The following FKBP14 variants were observed in gnomAD, a reference collection of about 807,000 sequenced individuals.
The protein encoded by FKBP14 is FKBP prolyl isomerase 14.
In FKBP14, 20 loss-of-function variants were observed where a neutral mutation model predicts 21.6. That is an observed-to-expected ratio of 0.92 (90% CI 0.65 to 1.34). FKBP14 has a LOEUF of 1.34. Ranked by LOEUF, FKBP14 falls within the 40% of genes most tolerant of loss-of-function variation. The probability of loss-of-function intolerance (pLI) is 0.00; values close to 1 mark genes in which losing one functional copy is unlikely to be tolerated. For synonymous variants in FKBP14, 79 were observed against 86.7 expected (o/e 0.91, Z 0.49); for missense variants, 253 against 249.0 (o/e 1.02, Z -0.11).
chr7:30,020,999 C>T (rs1256278667), intron 2 of FKBP14, among the ~76,000 whole-genome samples: 1 of 152,170 alleles, frequency 6.6e-6, no homozygotes, highest in Admixed American at 6.5e-5. Context: ...GCTGTGAATC[C>T]TGACTCCTCA....
Position 30,011,014 on chromosome 7 carries a change from GTTTT to G in FKBP14, c.*3717_*3720del, listed in dbSNP as rs1200092061. On this transcript the variant is annotated 3_prime_UTR_variant, in exon 4 of 4. Coordinates refer to ENST00000222803, the MANE Select transcript of FKBP14 (RefSeq NM_017946.4). ...GAAAATTTACAGTAAGCTAAGGTTA[GTTTT>G]TTATTATTTCTATAAAAATTATAGA... is the stretch of plus-strand genomic sequence containing the variant. 6.6e-6 allele frequency: 1 copy of G among 151,752 alleles called. No homozygotes were observed. The highest frequency in any genetic ancestry group is 1.5e-5 in the Non-Finnish European group (1 of 67,966). The allele number at this position is 151,752 out of a possible 1,614,324, so 9.4% of individuals were successfully genotyped here.
At chr7:30,023,702 C>T (rs550257726) in intron 1 of FKBP14, among the ~76,000 whole-genome samples, 5 of 152,076 alleles carry the variant, frequency 3.3e-5, no homozygotes, top group Admixed American at 1.3e-4. Context: ...ACAATCATGG[C>T]GGAAGGCAAA....
At position 30,012,695 on chromosome 7, in the gene FKBP14, C is replaced by T. The variant is rs951969708; in HGVS notation, c.*2040G>A. On this transcript the variant is annotated 3_prime_UTR_variant, in exon 4 of 4. Coordinates refer to ENST00000222803, the MANE Select transcript of FKBP14 (RefSeq NM_017946.4). Reference sequence around the variant, plus strand: ...GAAGTAAAACACATCTGGAACCTCGCGTTGTTCAGGGTTTTTGAGGCAATT... The same window carrying T: ...GAAGTAAAACACATCTGGAACCTCGTGTTGTTCAGGGTTTTTGAGGCAATT... 2.0e-5 allele frequency: 3 copies of T among 152,154 alleles called. No individual in the cohort carries two copies. Among genetic ancestry groups the T allele is most frequent in the Admixed American group, 6.5e-5 (1 of 15,284 alleles). 9.4% of individuals were successfully genotyped at this position (152,154 alleles called of 1,614,324 possible).
downstream of FKBP14, among the ~76,000 whole-genome samples, chr7:30,008,673 A>AGCGAAAC (rs1789656353): frequency 7.7e-6 from 1 of 130,694 alleles, no homozygotes; most frequent in Non-Finnish European, 1.6e-5. Flanking sequence ...GTGAGCTGAG[A>AGCGAAAC]TTTAAAAAAA....
chr7:30,016,959 A>G (rs371978927), intron 3 of FKBP14, among the ~76,000 whole-genome samples: 16 of 152,278 alleles, frequency 1.1e-4, no homozygotes, highest in African/African-American at 3.8e-4. Flanking sequence ...ATTAAACTCT[A>G]TGGATTAATG....
At chr7:30,010,422 T>C (rs983972811), downstream of FKBP14, among the ~76,000 whole-genome samples, 3 of 152,224 alleles carry the variant, frequency 2.0e-5, no homozygotes, top group Non-Finnish European at 4.4e-5. Context: ...CTTACAAATA[T>C]ACCTATACAG....
intron 1 of FKBP14, 80 bp from the exon 2 acceptor site, chr7:30,022,896 G>A (rs768283857): frequency 2.0e-5 from 27 of 1,322,174 alleles, no homozygotes; most frequent in Non-Finnish European, 2.8e-5. Flanking sequence ...ACCAGTAAGT[G>A]GTTAAGTTTA....
chr7:30,019,141 G>T lies in FKBP14; in HGVS notation c.350-18C>A. 6.4e-7 allele frequency: 1 copy of T among 1,553,564 alleles called. No individual in the cohort carries two copies. The highest frequency in any genetic ancestry group is 1.2e-5 in the South Asian group (1 of 80,954). ...AATTTTACCTGACGTGAGGAAAGAA[G>T]GCAGAAAGTTTTAAAAGAGCCAAAA... On this transcript the variant is annotated intron_variant, in intron 2 of 3. Transcript: ENST00000222803.
Position 30,014,930 on chromosome 7 carries a change from A to G in FKBP14, c.478-37T>C, listed in dbSNP as rs771181761. On this transcript the variant is annotated intron_variant, in intron 3 of 3. Transcript: ENST00000222803. Reference sequence around the variant, plus strand: ...CAGATCCCATTAATAACTTGGATTCATAAGATACCCACATTGAGCCAATCA... The same window carrying G: ...CAGATCCCATTAATAACTTGGATTCGTAAGATACCCACATTGAGCCAATCA... 9 of 1,448,960 alleles carry G rather than the reference A, an allele frequency of 6.2e-6. No individual in the cohort carries two copies. In the African/African-American group the frequency reaches 7.1e-5, roughly 11 times the overall value. 89.8% of individuals were successfully genotyped at this position (1,448,960 alleles called of 1,614,324 possible). A position where few individuals can be genotyped will look rare whatever the true frequency, so the allele number is the denominator to read the frequency against.
rs1278077747 is a variant in FKBP14, at chr7:30,014,912, C to T, written c.478-19G>A. 1.3e-6 allele frequency: 2 copies of T among 1,541,594 alleles called. No individual in the cohort carries two copies. Among genetic ancestry groups the T allele is most frequent in the Admixed American group, 4.1e-5 (2 of 48,306 alleles). ...CTTTAACCTACAAAATAACAGATCC[C>T]ATTAATAACTTGGATTCATAAGATA... On this transcript the variant is annotated intron_variant, in intron 3 of 3. Coordinates refer to ENST00000222803, the MANE Select transcript of FKBP14 (RefSeq NM_017946.4).
At position 30,013,579 on chromosome 7, in the gene FKBP14, A is replaced by G. The variant is rs558113849; in HGVS notation, c.*1156T>C. ...CAGTTTTTGATGAGACAGAAATGGG[A>G]AAATGTAGACTGGTTTACTACTTTA... On this transcript the variant is annotated 3_prime_UTR_variant, in exon 4 of 4. Coordinates refer to ENST00000222803, the MANE Select transcript of FKBP14 (RefSeq NM_017946.4). 4.5e-4 allele frequency: 69 copies of G among 152,244 alleles called. No individual in the cohort carries two copies. The highest frequency in any genetic ancestry group is 1.5e-3 in the African/African-American group (64 of 41,546). The allele number at this position is 152,244 out of a possible 1,614,324, so 9.4% of individuals were successfully genotyped here.
At position 30,019,099 on chromosome 7, in the gene FKBP14, A is replaced by C; in HGVS notation, c.374T>G (p.Leu125Arg). Residue 125 changes from leucine to arginine, a missense_variant, in exon 3 of 4, where the codon CTG becomes CGG. By Grantham distance (102) the Leu-to-Arg change is moderately radical (BLOSUM62 -2). Transcript: ENST00000222803. The stretch of plus-strand genomic sequence containing the variant: ...CTCCAGGAGATCAATATTAAATATC[A>C]GTGTACTTTCTGGGGGAATTTTACC... ...GKGKIPPEST[L>R]IFNIDLLEIR... 6.3e-7 allele frequency: 1 copy of C among 1,582,054 alleles called. No individual in the cohort carries two copies. The highest frequency in any genetic ancestry group is 8.5e-7 in the Non-Finnish European group (1 of 1,170,516).
intron 1 of FKBP14, among the ~76,000 whole-genome samples, chr7:30,024,656 A>G (rs1033719953): frequency 2.6e-5 from 4 of 152,174 alleles, no homozygotes; most frequent in African/African-American, 9.7e-5. Flanking sequence ...TCGGCCTCCC[A>G]AAGTGCTGGG....
intron 1 of FKBP14, 109 bp downstream of exon 1, chr7:30,026,203 G>T: frequency 9.2e-7 from 1 of 1,090,040 alleles, no homozygotes; most frequent in Non-Finnish European, 1.3e-6. Flanking sequence ...AGATATTTCG[G>T]TTTTGTAAAA....
chr7:30,018,454 G>C (rs1409289998), intron 3 of FKBP14, among the ~76,000 whole-genome samples: 1 of 152,198 alleles, frequency 6.6e-6, no homozygotes, highest in Non-Finnish European at 1.5e-5. Flanking sequence ...CTCAGATTTT[G>C]ATGGGGCTGG....
chr7:30,016,995 T>C (rs1414708139), intron 3 of FKBP14, among the ~76,000 whole-genome samples: 1 of 152,086 alleles, frequency 6.6e-6, no homozygotes, highest in Non-Finnish European at 1.5e-5. Flanking sequence ...GGATATATTG[T>C]GTGAATAAAG....
chr7:30,012,926 TG>T lies in FKBP14; in HGVS notation c.*1808del, dbSNP rs1789777877. Reference sequence around the variant, plus strand: ...AGAGGGCAGTAGAAGACACTGAACTTGGGGACTGAATACTGGTTCTGCAGGT... The same window carrying T: ...AGAGGGCAGTAGAAGACACTGAACTTGGGACTGAATACTGGTTCTGCAGGT... On this transcript the variant is annotated 3_prime_UTR_variant, in exon 4 of 4. Coordinates refer to ENST00000222803, the MANE Select transcript of FKBP14 (RefSeq NM_017946.4). The T allele has an allele frequency of 6.6e-6, 1 of 152,166 alleles. No individual in the cohort carries two copies. Among genetic ancestry groups the T allele is most frequent in the Admixed American group, 6.5e-5 (1 of 15,272 alleles). The allele number at this position is 152,166 out of a possible 1,614,324, so 9.4% of individuals were successfully genotyped here.
At chr7:30,010,082 T>C (rs1490959170), downstream of FKBP14, among the ~76,000 whole-genome samples, 2 of 152,144 alleles carry the variant, frequency 1.3e-5, no homozygotes, top group South Asian at 2.1e-4. Flanking sequence ...ACAAATTCAT[T>C]TCCATAAGGA....
intron 2 of FKBP14, among the ~76,000 whole-genome samples, chr7:30,019,335 A>G (rs1031856827): frequency 4.6e-5 from 7 of 152,166 alleles, no homozygotes; most frequent in Admixed American, 6.5e-5. Context: ...AAAGCATTCT[A>G]TCTTTGGCTT....
Sources: gnomAD v4.1 joint callset for allele counts (sites outside exome capture counted in the v4.1 genomes callset) on GRCh38, gnomAD v4.1.1 for gene constraint, MANE v1.5 for transcripts, NCBI Gene and HGNC (gene_info 2026-07-23, HGNC 2026-07-21) for gene names.